CHRM3: variants seen among roughly 807,000 people sequenced by gnomAD.
CHRM3 encodes cholinergic receptor muscarinic 3, also known as muscarinic acetylcholine receptor M3.
A neutral mutation model predicts 41.8 loss-of-function variants in CHRM3; 11 were observed. That is an observed-to-expected ratio of 0.26 (90% CI 0.17 to 0.44). CHRM3 has a LOEUF of 0.44. Ranked by LOEUF, CHRM3 falls within the 20% of genes least tolerant of loss-of-function variation. The pLI, the probability that CHRM3 is intolerant of heterozygous loss-of-function variation, is 1.00. For missense variants in CHRM3, 571 were observed against 745.4 expected (o/e 0.77, Z 2.72); for synonymous variants, 297 against 301.4 (o/e 0.99, Z 0.15).
At chr1:239,840,737 A>G (rs1673729338) in intron 6 of CHRM3, among the ~76,000 whole-genome samples, 10 of 152,180 alleles carry the variant, frequency 6.6e-5, no homozygotes, top group Admixed American at 6.5e-4. Context: ...TTGCATTTAT[A>G]TATTCTTTCA....
At chr1:239,475,928 G>C (rs756982874) in intron 1 of CHRM3, among the ~76,000 whole-genome samples, 1 of 152,080 alleles carries the variant, frequency 6.6e-6, no homozygotes, top group Admixed American at 6.6e-5. Context: ...GTTGAGAATT[G>C]TGAGAAAATC....
At chr1:239,453,878 C>T (rs1307238808) in intron 1 of CHRM3, among the ~76,000 whole-genome samples, 2 of 152,044 alleles carry the variant, frequency 1.3e-5, no homozygotes, top group East Asian at 3.9e-4. Context: ...AGGTGGCTCC[C>T]CAGTGAAGGG....
intron 4 of CHRM3, among the ~76,000 whole-genome samples, chr1:239,641,079 G>A (rs139593276): frequency 0.022 from 3,417 of 152,294 alleles, 53 homozygotes; most frequent in Non-Finnish European, 0.033. Flanking sequence ...GCGGTTTTGC[G>A]TGAGTTTCTT....
chr1:239,438,098 A>G (rs1016427924), intron 1 of CHRM3, among the ~76,000 whole-genome samples: 4 of 152,204 alleles, frequency 2.6e-5, no homozygotes, highest in African/African-American at 9.6e-5. Flanking sequence ...TCTTTCAGCC[A>G]TAACCATATG....
At chr1:239,608,789 G>A (rs1666663537) in intron 3 of CHRM3, among the ~76,000 whole-genome samples, 1 of 152,138 alleles carries the variant, frequency 6.6e-6, no homozygotes, top group Non-Finnish European at 1.5e-5. Flanking sequence ...TAGACAGAAT[G>A]TTTGCTCCAG....
chr1:239,422,545 C>A (rs1201938056), intron 1 of CHRM3, among the ~76,000 whole-genome samples: 1 of 152,104 alleles, frequency 6.6e-6, no homozygotes, highest in African/African-American at 2.4e-5. Context: ...CCTGTAATCC[C>A]AGCACTTTGG....
At chr1:239,424,208 G>A (rs755676953) in intron 1 of CHRM3, among the ~76,000 whole-genome samples, 17 of 152,132 alleles carry the variant, frequency 1.1e-4, no homozygotes, top group Admixed American at 2.6e-4. Context: ...ATACGACACG[G>A]CAATGAGTGG....
intron 3 of CHRM3, among the ~76,000 whole-genome samples, chr1:239,603,744 G>T (rs151133274): frequency 6.6e-6 from 1 of 151,994 alleles, no homozygotes; most frequent in African/African-American, 2.4e-5. Flanking sequence ...TCATGAGTGC[G>T]TGGGTGTTAA....
At chr1:239,394,714 T>TG (rs1659331860) in intron 1 of CHRM3, among the ~76,000 whole-genome samples, 2 of 152,208 alleles carry the variant, frequency 1.3e-5, no homozygotes, top group African/African-American at 4.8e-5. Context: ...CCCCTTTATA[T>TG]TGAGCCAAAA....
At chr1:239,433,877 G>C (rs573286460) in intron 1 of CHRM3, among the ~76,000 whole-genome samples, 1 of 152,156 alleles carries the variant, frequency 6.6e-6, no homozygotes, top group South Asian at 2.1e-4. Context: ...TGGGCATTTG[G>C]GCTGGTTCCA....
intron 4 of CHRM3, among the ~76,000 whole-genome samples, chr1:239,650,964 G>A (rs1014700850): frequency 2.6e-5 from 4 of 152,104 alleles, no homozygotes; most frequent in Non-Finnish European, 4.4e-5. Flanking sequence ...GTAAATATAT[G>A]TAAATTTGTA....
intron 1 of CHRM3, among the ~76,000 whole-genome samples, chr1:239,433,021 C>A (rs1662948043): frequency 6.6e-6 from 1 of 152,138 alleles, no homozygotes. Flanking sequence ...TTGTCTTCAT[C>A]CAGCTCAGCG....
intron 6 of CHRM3, among the ~76,000 whole-genome samples, chr1:239,893,476 T>C (rs1314182949): frequency 6.6e-6 from 1 of 152,214 alleles, no homozygotes; most frequent in African/African-American, 2.4e-5. Flanking sequence ...GTGTTTACAG[T>C]TAGCCGTGTG....
chr1:239,911,345 T>C lies in CHRM3; in HGVS notation c.*2121T>C, dbSNP rs1558237609. ...AAGAAAGAAACAGACGATTTTCTAA[T>C]ATGTACACAGCAAACTACAGAATGT... is the stretch of plus-strand genomic sequence containing the variant. On this transcript the variant is annotated 3_prime_UTR_variant, in exon 7 of 7. Transcript: ENST00000676153. 1 of 167,000 alleles carries C rather than the reference T, an allele frequency of 6.0e-6. No individual in the cohort carries two copies. The highest frequency in any genetic ancestry group is 6.5e-5 in the Admixed American group (1 of 15,272). The allele number at this position is 167,000 out of a possible 1,614,324, so 10.3% of individuals were successfully genotyped here. A position where few individuals can be genotyped will look rare whatever the true frequency, so the allele number is the denominator to read the frequency against.
intron 1 of CHRM3, among the ~76,000 whole-genome samples, chr1:239,425,085 CAG>C (rs1662263584): frequency 6.6e-6 from 1 of 152,118 alleles, no homozygotes; most frequent in Admixed American, 6.6e-5. Context: ...GTGACAGAAA[CAG>C]AGAAGATGGA....
chr1:239,702,015 T>C (rs1660732307), intron 5 of CHRM3, among the ~76,000 whole-genome samples: 1 of 152,222 alleles, frequency 6.6e-6, no homozygotes, highest in African/African-American at 2.4e-5. Flanking sequence ...TATCACTTTA[T>C]AGTTCTAGTC....
intron 5 of CHRM3, among the ~76,000 whole-genome samples, chr1:239,779,576 A>G (rs1459191838): frequency 6.6e-6 from 1 of 152,228 alleles, no homozygotes; most frequent in East Asian, 1.9e-4. Context: ...TCTACTAAAA[A>G]TACAAAAAAT....
At chr1:239,814,435 T>A (rs566953688) in intron 5 of CHRM3, among the ~76,000 whole-genome samples, 1 of 152,308 alleles carries the variant, frequency 6.6e-6, no homozygotes, top group East Asian at 1.9e-4. Context: ...TGGAGATGAA[T>A]GTAACATGCA....
Position 239,823,349 on chromosome 1 carries a change from C to T in CHRM3, c.-146-3903C>T, listed in dbSNP as rs1020458253. Among the ~76,000 whole-genome samples, 8 of 152,056 alleles carry T rather than the reference C, an allele frequency of 5.3e-5. 1 individual carries two copies. The highest frequency in any genetic ancestry group is 1.9e-4 in the African/African-American group (8 of 41,394). On this transcript the variant is annotated intron_variant, in intron 5 of 6. Transcript: ENST00000676153. Reference sequence around the variant, plus strand: ...GACCTCCAGGTACCATCTAGTGAAGCCTGGTGCCTTGAGCAGGATGGTATC... The same window carrying T: ...GACCTCCAGGTACCATCTAGTGAAGTCTGGTGCCTTGAGCAGGATGGTATC...
Sources: allele counts gnomAD v4.1 joint callset (sites outside exome capture counted in the v4.1 genomes callset), GRCh38; gene constraint gnomAD v4.1.1; transcripts MANE v1.5; gene names NCBI Gene and HGNC (gene_info 2026-07-23, HGNC 2026-07-21).